MAGI2: variants seen among roughly 807,000 people sequenced by gnomAD.
The protein encoded by MAGI2 is membrane associated guanylate kinase, WW and PDZ domain containing 2, also known as membrane-associated guanylate kinase, WW and PDZ domain-containing protein 2.
In MAGI2, 35 loss-of-function variants were observed where a neutral mutation model predicts 133.3. The ratio of observed to expected loss-of-function variants is 0.26; its 90% CI spans 0.20 to 0.35. The LOEUF is 0.35. Ranked by LOEUF, MAGI2 falls within the 10% of genes least tolerant of loss-of-function variation. The pLI is 1.00. For synonymous variants in MAGI2, 729 were observed against 710.6 expected, an observed-to-expected ratio of 1.03 and a Z score of -0.41; for missense variants, 1,636 against 1,863.4, an observed-to-expected ratio of 0.88 and a Z score of 2.25.
chr7:78,645,495 T>C (rs1282889044), intron 2 of MAGI2, among the ~76,000 whole-genome samples: 2 of 152,116 alleles, frequency 1.3e-5, no homozygotes, highest in Non-Finnish European at 2.9e-5. Context: ...GCAAAGTTGA[T>C]TTAATATTCA....
At chr7:79,154,887 A>G (rs180711547) in intron 1 of MAGI2, among the ~76,000 whole-genome samples, 22 of 152,336 alleles carry the variant, frequency 1.4e-4, no homozygotes, top group African/African-American at 4.3e-4. Context: ...CAAAACAGCA[A>G]CAACAACAAA....
intron 2 of MAGI2, among the ~76,000 whole-genome samples, chr7:78,701,696 T>C (rs777247637): frequency 6.6e-6 from 1 of 151,932 alleles, no homozygotes; most frequent in Non-Finnish European, 1.5e-5. Context: ...TCATAAACTT[T>C]ACTTTTTTGG....
chr7:78,293,312 C>T (rs1023453950), intron 9 of MAGI2, among the ~76,000 whole-genome samples: 7 of 152,200 alleles, frequency 4.6e-5, no homozygotes, highest in African/African-American at 1.7e-4. Flanking sequence ...GACATTTATG[C>T]AGCCAACAGA....
intron 3 of MAGI2, among the ~76,000 whole-genome samples, chr7:78,530,221 T>C (rs1451121843): frequency 1.3e-5 from 2 of 151,894 alleles, no homozygotes; most frequent in Non-Finnish European, 2.9e-5. Flanking sequence ...ATAACAACTG[T>C]AGGTGACAAT....
intron 2 of MAGI2, among the ~76,000 whole-genome samples, chr7:78,922,432 A>C (rs1799332659): frequency 6.6e-6 from 1 of 151,326 alleles, no homozygotes; most frequent in Admixed American, 6.6e-5. Flanking sequence ...TATGAGTGAG[A>C]ACATGCGGTG....
chr7:78,568,084 T>C (rs1801134126), intron 3 of MAGI2: 1 of 152,264 alleles, frequency 6.6e-6, no homozygotes, highest in South Asian at 2.1e-4. Context: ...ACACACTCCT[T>C]GTCTTCTTAC....
At chr7:78,388,170 A>T (rs932161150) in intron 6 of MAGI2, among the ~76,000 whole-genome samples, 13 of 152,046 alleles carry the variant, frequency 8.6e-5, no homozygotes, top group Admixed American at 4.6e-4. Context: ...ATTCTGCATG[A>T]TGTTATAAGG....
chr7:78,468,584 A>G (rs1248168432), intron 6 of MAGI2, among the ~76,000 whole-genome samples: 1 of 152,154 alleles, frequency 6.6e-6, no homozygotes, highest in Non-Finnish European at 1.5e-5. Context: ...ACTATATTGC[A>G]CAATTAGAAT....
chr7:78,548,365 G>C (rs1466602688), intron 3 of MAGI2, among the ~76,000 whole-genome samples: 3 of 152,118 alleles, frequency 2.0e-5, no homozygotes. Flanking sequence ...AAGTCTAAAG[G>C]CTACTCCACA....
At chr7:79,164,269 G>A (rs139882452) in intron 1 of MAGI2, among the ~76,000 whole-genome samples, 195 of 152,030 alleles carry the variant, frequency 1.3e-3, no homozygotes, top group African/African-American at 4.5e-3. Flanking sequence ...TTATTTAACC[G>A]TATGTATTGT....
chr7:78,447,855 G>A (rs1160472700), intron 6 of MAGI2, among the ~76,000 whole-genome samples: 1 of 152,106 alleles, frequency 6.6e-6, no homozygotes, highest in Non-Finnish European at 1.5e-5. Context: ...CCACTGTGCA[G>A]TAGACAAAAC....
At chr7:78,334,126 G>C (rs1789512847) in intron 9 of MAGI2, among the ~76,000 whole-genome samples, 1 of 152,158 alleles carries the variant, frequency 6.6e-6, no homozygotes, top group African/African-American at 2.4e-5. Flanking sequence ...AATGTTTAAT[G>C]AACAACCAGG....
intron 3 of MAGI2, among the ~76,000 whole-genome samples, chr7:78,620,746 T>C (rs1000870410): frequency 6.6e-6 from 1 of 151,996 alleles, no homozygotes; most frequent in Admixed American, 6.6e-5. Flanking sequence ...GGGACAATAT[T>C]ACAATTGGGC....
chr7:78,337,530 A>G (rs1200405750), intron 9 of MAGI2, among the ~76,000 whole-genome samples: 2 of 152,190 alleles, frequency 1.3e-5, no homozygotes, highest in Non-Finnish European at 2.9e-5. Context: ...CTTTTTGCCT[A>G]AATTAGAGAT....
At chr7:78,076,325 G>C (rs1427144830) in intron 21 of MAGI2, among the ~76,000 whole-genome samples, 1 of 151,960 alleles carries the variant, frequency 6.6e-6, no homozygotes, top group Non-Finnish European at 1.5e-5. Flanking sequence ...GGGCATTGGT[G>C]GCTTGCACCT....
chr7:79,339,612 A>G (rs187398595), intron 1 of MAGI2, among the ~76,000 whole-genome samples: 2 of 152,074 alleles, frequency 1.3e-5, no homozygotes, highest in African/African-American at 2.4e-5. Context: ...TCTTAGTTCT[A>G]CTACGTATAT....
chr7:78,774,175 G>C (rs1049598067), intron 2 of MAGI2, among the ~76,000 whole-genome samples: 3 of 152,076 alleles, frequency 2.0e-5, no homozygotes, highest in African/African-American at 7.2e-5. Flanking sequence ...AGAACATCTG[G>C]GGATAGAAAC....
chr7:78,482,472 T>C (rs1456686969), intron 6 of MAGI2, among the ~76,000 whole-genome samples: 1 of 151,910 alleles, frequency 6.6e-6, no homozygotes, highest in Non-Finnish European at 1.5e-5. Context: ...TATTCATTCA[T>C]ATTAGCCAAA....
chr7:78,882,105 A>G (rs1795913189), intron 2 of MAGI2, among the ~76,000 whole-genome samples: 2 of 126,034 alleles, frequency 1.6e-5, no homozygotes, highest in East Asian at 2.2e-4. Flanking sequence ...AAAAAAAAAA[A>G]AAAGAAAAGA....
Sources: gnomAD v4.1 joint callset for allele counts (sites outside exome capture counted in the v4.1 genomes callset) on GRCh38, gnomAD v4.1.1 for gene constraint, MANE v1.5 for transcripts, NCBI Gene and HGNC (gene_info 2026-07-23, HGNC 2026-07-21) for gene names.